ARHGAP8: variants seen among roughly 807,000 people sequenced by gnomAD.
ARHGAP8 encodes rho GTPase-activating protein 8.
ARHGAP8 carries 62 observed loss-of-function variants against 46.1 expected under a neutral mutation model. That is an observed-to-expected ratio of 1.34 (90% confidence interval 1.10 to 1.66). The LOEUF (loss-of-function observed/expected upper bound fraction) is 1.66, where lower values mean the gene tolerates loss of function less well. Ranked by LOEUF, ARHGAP8 falls within the 40% of genes most tolerant of loss-of-function variation. The pLI is 0.00. For missense variants in ARHGAP8, 923 were observed against 568.4 expected, an observed-to-expected ratio of 1.62 and a Z score of -6.34; for synonymous variants, 375 against 243.1, an observed-to-expected ratio of 1.54 and a Z score of -5.05.
chr22:44,859,404 TTTTTGCC>T (rs1485935837), intron 10 of ARHGAP8, among the ~76,000 whole-genome samples: 1 of 152,198 alleles, frequency 6.6e-6, no homozygotes, highest in Non-Finnish European at 1.5e-5. Context: ...ACCTCCTTCC[TTTTTGCC>T]TTCTGCCATA....
In ARHGAP8 at chr22:44,790,577, G is replaced by A. The variant is rs145478223; in HGVS notation, c.79+3971G>A. On this transcript the variant is annotated intron_variant, in intron 2 of 11. Coordinates refer to ENST00000356099, the MANE Select transcript of ARHGAP8 (RefSeq NM_181335.3). ...TGTAATCCCAGCTACTTGGGAGGCT[G>A]AAACAGGAGAATCGCTTGAACCCGG... Among the ~76,000 whole-genome samples, 499 of 143,072 alleles carry A rather than the reference G, an allele frequency of 3.5e-3. 9 individuals carry two copies. Among genetic ancestry groups the A allele is most frequent in the East Asian group, 0.027 (119 of 4,436 alleles). 93.9% of individuals were successfully genotyped at this position (143,072 alleles called of 152,430 possible). A position where few individuals can be genotyped will look rare whatever the true frequency, so the allele number is the denominator to read the frequency against.
chr22:44,821,549 G>A (rs916182444), intron 5 of ARHGAP8, among the ~76,000 whole-genome samples: 5 of 152,170 alleles, frequency 3.3e-5, no homozygotes, highest in East Asian at 1.9e-4. Context: ...TAAAGAAGGC[G>A]GGGATTACAG....
chr22:44,861,440 A>G (rs986923708), intron 11 of ARHGAP8, among the ~76,000 whole-genome samples: 1 of 152,168 alleles, frequency 6.6e-6, no homozygotes, highest in Middle Eastern at 3.4e-3. Context: ...GCTGGTGCAC[A>G]CCTGCAACGG....
intron 10 of ARHGAP8, among the ~76,000 whole-genome samples, chr22:44,856,364 C>T (rs1445230770): frequency 6.8e-6 from 1 of 146,244 alleles, no homozygotes; most frequent in Non-Finnish European, 1.5e-5. Flanking sequence ...ACCTCTGCCT[C>T]CCGGGTTCAA....
At chr22:44,848,910 C>CA in intron 9 of ARHGAP8, 22 bp from the exon 10 acceptor site, 1 of 1,613,702 alleles carries the variant, frequency 6.2e-7, no homozygotes, top group Non-Finnish European at 8.5e-7. Context: ...CAGACCTCAG[C>CA]AGTGCTGTGT....
At chr22:44,837,263 G>A (rs990906115) in intron 7 of ARHGAP8, among the ~76,000 whole-genome samples, 3 of 152,178 alleles carry the variant, frequency 2.0e-5, no homozygotes, top group African/African-American at 7.2e-5. Context: ...AACATGCTCT[G>A]AATTACTCTA....
chr22:44,824,083 T>C (rs1308958099), intron 6 of ARHGAP8, among the ~76,000 whole-genome samples: 3 of 152,098 alleles, frequency 2.0e-5, no homozygotes, highest in African/African-American at 7.2e-5. Flanking sequence ...CCCCACATAC[T>C]TCCTGGTGGG....
At chr22:44,786,270 G>A (rs1927220799) in intron 1 of ARHGAP8, among the ~76,000 whole-genome samples, 187 bp from the exon 2 acceptor site, 1 of 151,438 alleles carries the variant, frequency 6.6e-6, no homozygotes, top group South Asian at 2.1e-4. Flanking sequence ...TGGGTGCTCG[G>A]CTGAGGCAGG....
intron 6 of ARHGAP8, among the ~76,000 whole-genome samples, chr22:44,824,439 G>A (rs1222203458): frequency 6.6e-6 from 1 of 152,092 alleles, no homozygotes; most frequent in African/African-American, 2.4e-5. Context: ...GCCTAACCCT[G>A]CACCATCTTG....
In ARHGAP8 at chr22:44,776,461, AG is replaced by A. The variant is rs781163685; in HGVS notation, c.-71-9995del. On this transcript the variant is annotated intron_variant, in intron 1 of 11. Transcript: ENST00000356099. ...GAGTGAAACTCCGTCTCAAAAAAAAAGAAAAAAAAAAGTAGGCATCCTTGTA... is the reference window on the plus strand; with the variant it reads ...GAGTGAAACTCCGTCTCAAAAAAAAAAAAAAAAAAAGTAGGCATCCTTGTA... 6.8e-3 allele frequency among the ~76,000 whole-genome samples: 1,021 copies of A among 150,958 alleles called. 9 individuals carry two copies. The highest frequency in any genetic ancestry group is 0.024 in the African/African-American group (977 of 41,112).
At chr22:44,856,673 C>A (rs1040702919) in intron 10 of ARHGAP8, among the ~76,000 whole-genome samples, 1 of 144,390 alleles carries the variant, frequency 6.9e-6, no homozygotes, top group Admixed American at 6.7e-5. Flanking sequence ...CAAAACAAGA[C>A]GAAAGGAGAA....
At chr22:44,804,438 G>A (rs1333448223) in intron 3 of ARHGAP8, among the ~76,000 whole-genome samples, 1 of 152,196 alleles carries the variant, frequency 6.6e-6, no homozygotes, top group Non-Finnish European at 1.5e-5. Flanking sequence ...GGGAAGTTAG[G>A]TTCTGAGGGC....
intron 7 of ARHGAP8, among the ~76,000 whole-genome samples, chr22:44,831,288 A>G (rs1278032360): frequency 6.6e-6 from 1 of 152,134 alleles, no homozygotes; most frequent in African/African-American, 2.4e-5. Context: ...CAAGAGTTTT[A>G]CCACTTAGGG....
intron 1 of ARHGAP8, among the ~76,000 whole-genome samples, chr22:44,782,010 AAATT>A (rs1569141930): frequency 6.6e-6 from 1 of 151,962 alleles, no homozygotes; most frequent in Non-Finnish European, 1.5e-5. Flanking sequence ...CTTCTCTTTT[AAATT>A]GGACTGAAAT....
At chr22:44,827,086 G>A (rs1048566839) in intron 7 of ARHGAP8, among the ~76,000 whole-genome samples, 5 of 152,106 alleles carry the variant, frequency 3.3e-5, no homozygotes, top group African/African-American at 1.2e-4. Flanking sequence ...TCTCTGGTGG[G>A]CCCAAAGCAA....
At chr22:44,802,201 C>G in intron 3 of ARHGAP8, 37 bp downstream of exon 3, 1 of 1,610,590 alleles carries the variant, frequency 6.2e-7, no homozygotes, top group Non-Finnish European at 8.5e-7. Flanking sequence ...GTCCCTGTCT[C>G]TCCATGTTGC....
At chr22:44,783,614 T>C (rs1927005618) in intron 1 of ARHGAP8, among the ~76,000 whole-genome samples, 1 of 152,062 alleles carries the variant, frequency 6.6e-6, no homozygotes, top group African/African-American at 2.4e-5. Flanking sequence ...TCCACCGCAC[T>C]AGAACCGGCA....
intron 7 of ARHGAP8, among the ~76,000 whole-genome samples, chr22:44,832,648 TTGTG>T (rs928179477): frequency 2.0e-5 from 3 of 152,178 alleles, no homozygotes; most frequent in Non-Finnish European, 4.4e-5. Context: ...TCTAATATTT[TTGTG>T]TGTGGATTTT....
chr22:44,822,313 C>T, intron 5 of ARHGAP8, 58 bp from the exon 6 acceptor site: 2 of 1,480,638 alleles, frequency 1.4e-6, no homozygotes, highest in Non-Finnish European at 1.8e-6. Flanking sequence ...TCCCTGCAAC[C>T]CTCGGCCTCT....
Sources: allele counts gnomAD v4.1 joint callset (sites outside exome capture counted in the v4.1 genomes callset), GRCh38; gene constraint gnomAD v4.1.1; transcripts MANE v1.5; gene names NCBI Gene and HGNC (gene_info 2026-07-23, HGNC 2026-07-21).